The following RAB3GAP2 variants were observed in gnomAD, a reference collection of about 807,000 sequenced individuals.
RAB3GAP2 encodes the protein rab3 GTPase-activating protein non-catalytic subunit.
In RAB3GAP2, 87 loss-of-function variants were observed where a neutral mutation model predicts 185.3. The observed-to-expected ratio is 0.47, with a 90% CI of 0.39 to 0.56. The LOEUF (loss-of-function observed/expected upper bound fraction) is 0.56, where lower values mean the gene tolerates loss of function less well. Among genes scored for constraint, RAB3GAP2 ranks in the 20% least tolerant of loss-of-function variants. The pLI is 0.00. For missense variants in RAB3GAP2, 1,492 were observed against 1,638.2 expected (o/e 0.91, Z 1.54); for synonymous variants, 554 against 576.1 (o/e 0.96, Z 0.55).
intron 1 of RAB3GAP2, among the ~76,000 whole-genome samples, chr1:220,265,354 G>A (rs1457305068): frequency 1.3e-5 from 2 of 151,984 alleles, no homozygotes; most frequent in Non-Finnish European, 2.9e-5. Flanking sequence ...AAAGAGGCAA[G>A]AAGGAAAACT....
intron 1 of RAB3GAP2, among the ~76,000 whole-genome samples, chr1:220,250,710 G>C (rs79808147): frequency 0.034 from 5,207 of 152,224 alleles, 218 homozygotes; most frequent in East Asian, 0.21. Flanking sequence ...GAATCATGGG[G>C]GTGGTTCATG....
chr1:220,167,772 C>A (rs1658097908), intron 24 of RAB3GAP2, 97 bp from the exon 25 acceptor site: 2 of 1,272,314 alleles, frequency 1.6e-6, no homozygotes, highest in East Asian at 2.3e-5. Context: ...ATCTAAGTGC[C>A]ACATTCATTT....
At chr1:220,167,204 T>C in intron 26 of RAB3GAP2, 89 bp downstream of exon 26, 4 of 1,171,278 alleles carry the variant, frequency 3.4e-6, no homozygotes, top group South Asian at 2.6e-5. Context: ...CCAGTGTTTA[T>C]AATAAGCTAT....
rs563144719 is a variant in RAB3GAP2 at position 220,203,993 on chromosome 1, TGAG to T, written c.713-1622_713-1620del. ...AAAAGTCTTATAATCAGTGAAAATA[TGAG>T]TAGTGGCGCTGACTTCCCCTTTTCT... is the stretch of plus-strand genomic sequence containing the variant. On this transcript the variant is annotated intron_variant, in intron 8 of 34. Coordinates refer to ENST00000358951, the MANE Select transcript of RAB3GAP2 (RefSeq NM_012414.4). Among the ~76,000 whole-genome samples, 19 of 152,298 alleles carry T rather than the reference TGAG, an allele frequency of 1.2e-4. No homozygotes were observed. The East Asian group carries it at 3.7e-3, about 29-fold the overall frequency.
chr1:220,205,054 A>G (rs2102877198), intron 8 of RAB3GAP2, among the ~76,000 whole-genome samples: 1 of 151,190 alleles, frequency 6.6e-6, no homozygotes, highest in East Asian at 2.0e-4. Flanking sequence ...TGATTTTAAG[A>G]CTCTTCCATA....
chr1:220,204,754 AG>A (rs1357517147), intron 8 of RAB3GAP2, among the ~76,000 whole-genome samples: 1 of 100,740 alleles, frequency 9.9e-6, no homozygotes, highest in Admixed American at 1.4e-4. Context: ...ACCCCACAAC[AG>A]TCCCCGGAGT....
At chr1:220,240,291 GTTTGTAACTGAGC>G (rs1241857672) in intron 1 of RAB3GAP2, among the ~76,000 whole-genome samples, 2 of 152,180 alleles carry the variant, frequency 1.3e-5, no homozygotes, top group Admixed American at 6.5e-5. Context: ...TCAGATTCAT[GTTTGTAACTGAGC>G]TTTCTCAGCT....
chr1:220,204,351 G>C (rs1378347360), intron 8 of RAB3GAP2, among the ~76,000 whole-genome samples: 1 of 151,996 alleles, frequency 6.6e-6, no homozygotes, highest in Non-Finnish European at 1.5e-5. Flanking sequence ...CCAACCATAA[G>C]CTTCATTATC....
intron 29 of RAB3GAP2, 93 bp downstream of exon 29, chr1:220,159,293 A>G (rs1657918343): frequency 1.9e-6 from 2 of 1,073,718 alleles, no homozygotes; most frequent in Admixed American, 3.7e-5. Flanking sequence ...CATCACAATG[A>G]TAAAAGGCAA....
chr1:220,238,928 G>A (rs981865113), intron 1 of RAB3GAP2, among the ~76,000 whole-genome samples: 3 of 152,126 alleles, frequency 2.0e-5, no homozygotes, highest in Non-Finnish European at 2.9e-5. Context: ...GGCAGAGAAC[G>A]TGTATCCTGT....
intron 21 of RAB3GAP2, among the ~76,000 whole-genome samples, chr1:220,175,341 C>T (rs1658266836): frequency 6.6e-6 from 1 of 152,110 alleles, no homozygotes; most frequent in Non-Finnish European, 1.5e-5. Context: ...GCCTCAGCCT[C>T]TCAAGTAGCT....
intron 1 of RAB3GAP2, among the ~76,000 whole-genome samples, chr1:220,261,205 T>G (rs527331909): frequency 6.6e-6 from 1 of 152,298 alleles, no homozygotes; most frequent in South Asian, 2.1e-4. Context: ...AAGGGACCAT[T>G]TCTGGTCTCT....
chr1:220,183,973 T>C, intron 19 of RAB3GAP2, 63 bp downstream of exon 19: 4 of 1,338,368 alleles, frequency 3.0e-6, no homozygotes, highest in Non-Finnish European at 4.0e-6. Context: ...TTACTACTAA[T>C]TTTAAAAAGT....
chr1:220,262,854 T>A (rs1010183595), intron 1 of RAB3GAP2, among the ~76,000 whole-genome samples: 59 of 152,324 alleles, frequency 3.9e-4, no homozygotes, highest in African/African-American at 1.4e-3. Flanking sequence ...ATCATATAAT[T>A]TTTTTAAAAT....
At chr1:220,181,450 G>C (rs1469600135) in intron 21 of RAB3GAP2, among the ~76,000 whole-genome samples, 1 of 152,096 alleles carries the variant, frequency 6.6e-6, no homozygotes, top group Non-Finnish European at 1.5e-5. Flanking sequence ...GGAAGATGGG[G>C]TAACTTTCCT....
chr1:220,209,934 G>T (rs1465622659), intron 7 of RAB3GAP2, among the ~76,000 whole-genome samples: 1 of 152,196 alleles, frequency 6.6e-6, no homozygotes, highest in Non-Finnish European at 1.5e-5. Flanking sequence ...ATGAATATAT[G>T]TATTTTCCAC....
intron 2 of RAB3GAP2, among the ~76,000 whole-genome samples, chr1:220,226,964 A>C (rs1659413998): frequency 6.6e-6 from 1 of 152,186 alleles, no homozygotes; most frequent in Non-Finnish European, 1.5e-5. Flanking sequence ...AGAAAGGCCA[A>C]ATGAGGACAC....
intron 2 of RAB3GAP2, among the ~76,000 whole-genome samples, chr1:220,222,518 T>G (rs1659326624): frequency 1.3e-5 from 2 of 152,174 alleles, no homozygotes; most frequent in African/African-American, 2.4e-5. Context: ...TAAATTTGAT[T>G]TGAAGGGGCC....
At chr1:220,258,332 C>G (rs936057236) in intron 1 of RAB3GAP2, among the ~76,000 whole-genome samples, 2 of 152,182 alleles carry the variant, frequency 1.3e-5, no homozygotes, top group African/African-American at 2.4e-5. Context: ...TGTAAAAATT[C>G]TCAATAAAAT....
Sources: allele counts gnomAD v4.1 joint callset (sites outside exome capture counted in the v4.1 genomes callset), GRCh38; gene constraint gnomAD v4.1.1; transcripts MANE v1.5; gene names NCBI Gene and HGNC (gene_info 2026-07-23, HGNC 2026-07-21).